The following GBF1 variants were observed in gnomAD, a reference collection of about 807,000 sequenced individuals.
GBF1 encodes the protein golgi brefeldin A resistant guanine nucleotide exchange factor 1, also known as Golgi-specific brefeldin A-resistance guanine nucleotide exchange factor 1.
In GBF1, 114 loss-of-function variants were observed where a neutral mutation model predicts 210.5. That is an observed-to-expected ratio of 0.54 (90% CI 0.47 to 0.63). The LOEUF (loss-of-function observed/expected upper bound fraction) is 0.63, where lower values mean the gene tolerates loss of function less well. Among genes scored for constraint, GBF1 ranks in the 30% least tolerant of loss-of-function variants. The pLI is 0.00. For synonymous variants in GBF1, 850 were observed against 889.2 expected, an observed-to-expected ratio of 0.96 and a Z score of 0.78; for missense variants, 1,851 against 2,357.7, an observed-to-expected ratio of 0.79 and a Z score of 4.45.
In GBF1 at chr10:102,323,099, G is replaced by T. The variant is rs1350394249; in HGVS notation, c.164-20952G>T. On this transcript the variant is annotated intron_variant, in intron 3 of 39. Coordinates refer to ENST00000369983, the MANE Select transcript of GBF1 (RefSeq NM_001377137.1). ...ACAGTCTCTCCTGTGGTTGCAGTCA[G>T]CTGCGGCTGTGGTTTGGATGTCTGG... Among the ~76,000 whole-genome samples the T allele has an allele frequency of 4.6e-5, 7 of 152,178 alleles. No homozygotes were observed. In the East Asian group the frequency reaches 1.4e-3, roughly 29 times the overall value.
rs966071682 is a variant in GBF1 at position 102,293,038 on chromosome 10, T to G, written c.163+32922T>G. 2.0e-5 allele frequency among the ~76,000 whole-genome samples: 3 copies of G among 152,216 alleles called. No individual in the cohort carries two copies. In the East Asian group the frequency reaches 5.8e-4, roughly 29 times the overall value. ...AATCATTCTTAAAAATAGATTAATATTGCATGAATGTCAAGAGAACCTCTT... is the reference window on the plus strand; with the variant it reads ...AATCATTCTTAAAAATAGATTAATAGTGCATGAATGTCAAGAGAACCTCTT... On this transcript the variant is annotated intron_variant, in intron 3 of 39. Coordinates refer to ENST00000369983, the MANE Select transcript of GBF1 (RefSeq NM_001377137.1).
chr10:102,258,836 C>A, intron 1 of GBF1, 93 bp from the exon 2 acceptor site: 19 of 525,314 alleles, frequency 3.6e-5, no homozygotes, highest in South Asian at 9.1e-5. Flanking sequence ...AGTTAAATCA[C>A]AATTCTAACC....
intron 3 of GBF1, among the ~76,000 whole-genome samples, chr10:102,329,089 G>A (rs2057128766): frequency 6.6e-6 from 1 of 152,192 alleles, no homozygotes; most frequent in South Asian, 2.1e-4. Flanking sequence ...GGCCACAGTA[G>A]CTCTGGTTTG....
intron 2 of GBF1, 149 bp downstream of exon 2, chr10:102,259,183 T>C: frequency 1.7e-6 from 1 of 593,766 alleles, no homozygotes; most frequent in East Asian, 2.9e-5. Flanking sequence ...GTATCCCAAC[T>C]AGCATCAGAT....
the GBF1 span, chr10:102,231,672 C>A: frequency 1.1e-5 from 18 of 1,612,174 alleles, no homozygotes; most frequent in Admixed American, 2.5e-4. Flanking sequence ...TCTGGAAGGT[C>A]GCCTCTAGCT....
intron 39 of GBF1, 126 bp downstream of exon 39, chr10:102,381,381 A>G: frequency 1.1e-6 from 1 of 892,172 alleles, no homozygotes; most frequent in Non-Finnish European, 1.7e-6. Context: ...GCCACTAGAG[A>G]GAACTGTTGC....
chr10:102,270,372 G>A (rs572384732), intron 3 of GBF1, among the ~76,000 whole-genome samples: 19 of 151,736 alleles, frequency 1.3e-4, no homozygotes, highest in Admixed American at 8.5e-4. Context: ...GTTTCACCAT[G>A]TTGGCCAGGT....
intron 8 of GBF1, 124 bp from the exon 9 acceptor site, chr10:102,357,914 CT>C: frequency 4.2e-6 from 3 of 711,520 alleles, no homozygotes; most frequent in Admixed American, 2.2e-5. Flanking sequence ...GGTCTAGAGT[CT>C]TACTTTAGCA....
At chr10:102,350,156 C>T (rs1354335591) in intron 4 of GBF1, among the ~76,000 whole-genome samples, 2 of 152,052 alleles carry the variant, frequency 1.3e-5, no homozygotes, top group African/African-American at 2.4e-5. Flanking sequence ...TCGAGACCAG[C>T]CTGACCAACA....
chr10:102,321,933 A>T (rs2056439583), intron 3 of GBF1, among the ~76,000 whole-genome samples: 1 of 152,082 alleles, frequency 6.6e-6, no homozygotes, highest in Non-Finnish European at 1.5e-5. Flanking sequence ...GTCACAGCTC[A>T]CTCTAGCCTC....
chr10:102,271,397 T>C (rs2133295729), intron 3 of GBF1, among the ~76,000 whole-genome samples: 1 of 152,246 alleles, frequency 6.6e-6, no homozygotes, highest in South Asian at 2.1e-4. Flanking sequence ...TTTCCCAGGC[T>C]GTTCTCAAGC....
intron 3 of GBF1, among the ~76,000 whole-genome samples, chr10:102,331,873 T>TTTG (rs2134331428): frequency 6.8e-6 from 1 of 146,788 alleles, no homozygotes; most frequent in Non-Finnish European, 1.5e-5. Flanking sequence ...TTTTTTTTTT[T>TTTG]TTTTGAGACA....
rs760664201 is a variant in GBF1, at chr10:102,373,085, C to T, written c.3660+2225C>T. 5.3e-4 allele frequency among the ~76,000 whole-genome samples: 81 copies of T among 152,004 alleles called. 1 individual carries two copies. Among genetic ancestry groups the T allele is most frequent in the Non-Finnish European group, 1.1e-3 (74 of 68,014 alleles). ...AGAGGATGAAAAGACAAGCTGTAGA[C>T]GAGGAGGAAATATTTGCAAATCACA... On this transcript the variant is annotated intron_variant, in intron 29 of 39. Coordinates refer to ENST00000369983, the MANE Select transcript of GBF1 (RefSeq NM_001377137.1).
At chr10:102,294,135 T>C (rs780408112) in intron 3 of GBF1, among the ~76,000 whole-genome samples, 1 of 151,968 alleles carries the variant, frequency 6.6e-6, no homozygotes, top group African/African-American at 2.4e-5. Context: ...CTTAAAAAAA[T>C]TTAAAAGTTA....
intron 3 of GBF1, among the ~76,000 whole-genome samples, chr10:102,270,328 C>T (rs1298805120): frequency 6.6e-6 from 1 of 151,894 alleles, no homozygotes; most frequent in African/African-American, 2.4e-5. Context: ...GGCCACCACG[C>T]CCAGCTAATT....
Position 102,382,542 on chromosome 10 carries a change from A to C in GBF1, c.*206A>C. The C allele has an allele frequency of 1.9e-6, 1 of 520,586 alleles. No homozygotes were observed. Among genetic ancestry groups the C allele is most frequent in the Non-Finnish European group, 3.4e-6 (1 of 296,946 alleles). The allele number at this position is 520,586 out of a possible 1,614,324, so 32.2% of individuals were successfully genotyped here. ...GGACCTTTTTCCTCCTCTGCGCTCC[A>C]TTCCTGGGGGTTCAGCCTGAGAGTG... On this transcript the variant is annotated 3_prime_UTR_variant, in exon 40 of 40. Coordinates refer to ENST00000369983, the MANE Select transcript of GBF1 (RefSeq NM_001377137.1).
chr10:102,306,020 C>G (rs1294418992), intron 3 of GBF1, among the ~76,000 whole-genome samples: 1 of 151,204 alleles, frequency 6.6e-6, no homozygotes, highest in Non-Finnish European at 1.5e-5. Flanking sequence ...TTGTGGATGC[C>G]CTTAAATACC....
At chr10:102,231,457 C>T in the GBF1 span, 1 of 639,704 alleles carries the variant, frequency 1.6e-6, no homozygotes, top group Non-Finnish European at 2.7e-6. Context: ...CGTGGGGCTG[C>T]GGCCGGGAGC....
upstream of GBF1, among the ~76,000 whole-genome samples, chr10:102,243,312 G>A (rs2070585630): frequency 2.6e-5 from 4 of 152,122 alleles, no homozygotes; most frequent in Non-Finnish European, 5.9e-5. Flanking sequence ...CTTATGTGTT[G>A]TCTGCTATGA....
Sources: allele counts gnomAD v4.1 joint callset (sites outside exome capture counted in the v4.1 genomes callset), GRCh38; gene constraint gnomAD v4.1.1; transcripts MANE v1.5; gene names NCBI Gene and HGNC (gene_info 2026-07-23, HGNC 2026-07-21).